The following GRIA1 variants were observed in gnomAD, a reference collection of about 807,000 sequenced individuals.
The protein encoded by GRIA1 is glutamate receptor 1.
In GRIA1, 31 loss-of-function variants were observed where a neutral mutation model predicts 99.2. That is an observed-to-expected ratio of 0.31 (90% confidence interval 0.23 to 0.42). The LOEUF (loss-of-function observed/expected upper bound fraction) is 0.42, where lower values mean the gene tolerates loss of function less well. Among genes scored for constraint, GRIA1 ranks in the 10% least tolerant of loss-of-function variants. GRIA1 has a pLI of 1.00. For missense variants in GRIA1, 782 were observed against 1,157.5 expected (o/e 0.68, Z 4.71); for synonymous variants, 438 against 432.4 (o/e 1.01, Z -0.16).
At chr5:153,517,558 G>T (rs1004025977) in intron 2 of GRIA1, among the ~76,000 whole-genome samples, 3 of 152,138 alleles carry the variant, frequency 2.0e-5, no homozygotes, top group Non-Finnish European at 4.4e-5. Flanking sequence ...AGTAGCTGTG[G>T]CAGCTCCTTA....
intron 2 of GRIA1, among the ~76,000 whole-genome samples, chr5:153,500,642 C>T (rs987312297): frequency 1.2e-4 from 17 of 147,380 alleles, no homozygotes; most frequent in African/African-American, 4.0e-4. Flanking sequence ...CACACACACA[C>T]ACACACACAC....
At chr5:153,788,023 T>C (rs1483632458) in intron 13 of GRIA1, among the ~76,000 whole-genome samples, 2 of 151,760 alleles carry the variant, frequency 1.3e-5, no homozygotes, top group Non-Finnish European at 2.9e-5. Context: ...TAGCTTGCAG[T>C]GAGCTGAGAT....
intron 14 of GRIA1, among the ~76,000 whole-genome samples, chr5:153,796,360 GT>G (rs1458713254): frequency 2.6e-5 from 4 of 152,072 alleles, no homozygotes; most frequent in African/African-American, 9.7e-5. Flanking sequence ...CTTTAATCGA[GT>G]TCATATAAAA....
At chr5:153,504,331 AT>A (rs1433401188) in intron 2 of GRIA1, among the ~76,000 whole-genome samples, 1 of 149,180 alleles carries the variant, frequency 6.7e-6, no homozygotes, top group Non-Finnish European at 1.5e-5. Context: ...ATATATATAT[AT>A]TTTTGTCTAT....
At position 153,770,274 on chromosome 5, in the gene GRIA1, C is replaced by T. The variant is rs749417830; in HGVS notation, c.2129C>T (p.Ser710Phe). 6.2e-7 allele frequency: 1 copy of T among 1,613,994 alleles called. No individual in the cohort carries two copies. Among genetic ancestry groups the T allele is most frequent in the Non-Finnish European group, 8.5e-7 (1 of 1,179,930 alleles). Reference protein sequence around the residue: ...TEEGMIRVRKSKGKYAYLLES... With the variant: ...TEEGMIRVRKFKGKYAYLLES... ...GAGGGGATGATTCGAGTGAGGAAAT[C>T]CAAAGGCAAATATGCCTACCTCCTG... Residue 710 changes from serine to phenylalanine, a missense_variant, in exon 13 of 16, where the codon TCC becomes TTC. Around this residue, in one of 5 missense-constraint regions of GRIA1, gnomAD observed 119 missense variants for 326.6 expected, o/e 0.36. Transcript: ENST00000285900.
intron 8 of GRIA1, among the ~76,000 whole-genome samples, chr5:153,689,300 C>G (rs1386559750): frequency 6.6e-6 from 1 of 152,138 alleles, no homozygotes; most frequent in Non-Finnish European, 1.5e-5. Flanking sequence ...CCTATTGCTC[C>G]TAGATAGAAA....
intron 14 of GRIA1, chr5:153,795,642 G>T: frequency 9.7e-7 from 1 of 1,032,720 alleles, no homozygotes; most frequent in Non-Finnish European, 1.5e-6. Flanking sequence ...AATGCACAGT[G>T]TTGAACAGTG....
chr5:153,650,399 T>A lies in GRIA1; in HGVS notation c.530T>A (p.Ile177Asn), dbSNP rs946960517. The A allele has an allele frequency of 6.2e-7, 1 of 1,613,962 alleles. No individual in the cohort carries two copies. The highest frequency in any genetic ancestry group is 8.5e-7 in the Non-Finnish European group (1 of 1,179,920). The change falls in exon 4 of 16, where the codon ATT becomes AAT. Residue 177 changes from isoleucine to asparagine, a missense_variant. By Grantham distance (149) the Ile-to-Asn change is moderately radical. Coordinates refer to ENST00000285900, the MANE Select transcript of GRIA1 (RefSeq NM_000827.4). ...AACTGGCAGGTGACAGCAGTCAACA[T>A]TTTGACAACCACAGAGGAGGGATAC... ...EKNWQVTAVN[I>N]LTTTEEGYRM...
chr5:153,791,752 G>A (rs751499702), intron 13 of GRIA1, among the ~76,000 whole-genome samples: 3 of 152,210 alleles, frequency 2.0e-5, no homozygotes, highest in East Asian at 1.9e-4. Context: ...TAACTACAAC[G>A]ATCACCTTAT....
rs1468793461 is a variant in GRIA1, at chr5:153,626,365, A to G, written c.221-20563A>G. Among the ~76,000 whole-genome samples, 3 of 151,198 alleles carry G rather than the reference A, an allele frequency of 2.0e-5. No homozygotes were observed. In the East Asian group the frequency reaches 5.8e-4, roughly 29 times the overall value. ...CCCACCTGAAGTCTTGTTCCATCTC[A>G]TCTCTTCCAGCTATGCCAGGCCTTG... On this transcript the variant is annotated intron_variant, in intron 2 of 15. Transcript: ENST00000285900.
chr5:153,692,530 A>G (rs898840777), intron 8 of GRIA1, among the ~76,000 whole-genome samples: 6 of 152,202 alleles, frequency 3.9e-5, no homozygotes, highest in Non-Finnish European at 2.9e-5. Flanking sequence ...TTGTTTATAT[A>G]TTATCTATAT....
chr5:153,696,736 C>T (rs1483821720), intron 8 of GRIA1, among the ~76,000 whole-genome samples: 1 of 152,142 alleles, frequency 6.6e-6, no homozygotes, highest in Non-Finnish European at 1.5e-5. Flanking sequence ...AGTTCTCTTT[C>T]CTTTTTCCTT....
chr5:153,516,330 C>T (rs1227697482), intron 2 of GRIA1, among the ~76,000 whole-genome samples: 1 of 151,378 alleles, frequency 6.6e-6, no homozygotes, highest in Non-Finnish European at 1.5e-5. Flanking sequence ...ATCTAGTTGC[C>T]AGACCCATGC....
At chr5:153,809,734 C>A (rs1766683346) in intron 15 of GRIA1, among the ~76,000 whole-genome samples, 1 of 152,218 alleles carries the variant, frequency 6.6e-6, no homozygotes, top group African/African-American at 2.4e-5. Flanking sequence ...TGCCCTCCTC[C>A]AGAAAGCTGT....
intron 13 of GRIA1, among the ~76,000 whole-genome samples, chr5:153,778,371 G>A (rs1372875464): frequency 2.0e-5 from 3 of 152,116 alleles, no homozygotes; most frequent in East Asian, 1.9e-4. Flanking sequence ...AGTGGCAAGC[G>A]CTTTATTTAG....
At chr5:153,697,329 C>A (rs1334364789) in intron 8 of GRIA1, among the ~76,000 whole-genome samples, 15 of 152,196 alleles carry the variant, frequency 9.9e-5, no homozygotes, top group Admixed American at 8.5e-4. Context: ...GTCAACCCTG[C>A]CTGACAACAA....
At chr5:153,709,991 G>A (rs1759193931) in intron 11 of GRIA1, among the ~76,000 whole-genome samples, 1 of 152,116 alleles carries the variant, frequency 6.6e-6, no homozygotes, top group African/African-American at 2.4e-5. Context: ...AAATAATCCA[G>A]AATTAGCACA....
At chr5:153,534,595 G>A (rs991567712) in intron 2 of GRIA1, among the ~76,000 whole-genome samples, 9 of 152,228 alleles carry the variant, frequency 5.9e-5, no homozygotes, top group African/African-American at 1.4e-4. Context: ...AGATAATAAT[G>A]TATTGGTAGT....
chr5:153,687,464 C>T (rs1157014320), intron 8 of GRIA1, among the ~76,000 whole-genome samples: 1 of 152,160 alleles, frequency 6.6e-6, no homozygotes, highest in East Asian at 1.9e-4. Context: ...AGTACTGGAA[C>T]TGGCCCATTG....
Sources: gnomAD v4.1 joint callset for allele counts (sites outside exome capture counted in the v4.1 genomes callset) on GRCh38, gnomAD v4.1.1 for gene constraint, gnomAD v4.1.1 regional missense constraint, MANE v1.5 for transcripts, NCBI Gene and HGNC (gene_info 2026-07-23, HGNC 2026-07-21) for gene names.